The following ARHGAP42 variants were observed in gnomAD, a reference collection of about 807,000 sequenced individuals.
ARHGAP42 encodes Rho GTPase activating protein 42, also known as rho GTPase-activating protein 42.
In ARHGAP42, 63 loss-of-function variants were observed where a neutral mutation model predicts 125.0. That is an observed-to-expected ratio of 0.50 (90% CI 0.41 to 0.62). The LOEUF (loss-of-function observed/expected upper bound fraction) is 0.62. Ranked by LOEUF, ARHGAP42 falls within the 20% of genes least tolerant of loss-of-function variation. The pLI is 0.00. For missense variants in ARHGAP42, 766 were observed against 1,024.2 expected (o/e 0.75, Z 3.44); for synonymous variants, 339 against 351.0 (o/e 0.97, Z 0.38).
chr11:100,859,818 A>G (rs1334982646), intron 4 of ARHGAP42, 193 bp downstream of exon 4: 2 of 411,170 alleles, frequency 4.9e-6, no homozygotes, highest in East Asian at 3.8e-5. Flanking sequence ...TCTACTGAGT[A>G]GATAAGAAGC....
At chr11:100,770,729 C>A (rs1467198264) in intron 2 of ARHGAP42, among the ~76,000 whole-genome samples, 2 of 152,258 alleles carry the variant, frequency 1.3e-5, no homozygotes, top group East Asian at 3.9e-4. Context: ...AGGCATCTGC[C>A]ACCATGCCCA....
Position 100,744,697 on chromosome 11 carries a change from G to A in ARHGAP42, c.155-25646G>A, listed in dbSNP as rs966458091. Among the ~76,000 whole-genome samples, 5 of 152,236 alleles carry A rather than the reference G, an allele frequency of 3.3e-5. No individual in the cohort carries two copies. The East Asian group carries it at 9.6e-4, about 29-fold the overall frequency. On this transcript the variant is annotated intron_variant, in intron 1 of 23. Coordinates refer to ENST00000298815, the MANE Select transcript of ARHGAP42 (RefSeq NM_152432.4). ...GTGAAGACTCTGTATGAGTTTCTTG[G>A]TTATAGAGAGTCTTTGTATGATGGC...
At chr11:100,872,105 G>C (rs1339428399) in intron 4 of ARHGAP42, among the ~76,000 whole-genome samples, 1 of 152,076 alleles carries the variant, frequency 6.6e-6, no homozygotes, top group Non-Finnish European at 1.5e-5. Flanking sequence ...TCTATAGACG[G>C]CTCCTATTTT....
At chr11:100,886,399 A>T (rs1262689346) in intron 4 of ARHGAP42, among the ~76,000 whole-genome samples, 1 of 152,196 alleles carries the variant, frequency 6.6e-6, no homozygotes, top group East Asian at 1.9e-4. Context: ...TTCTTTATAG[A>T]GTTGGACTAA....
At chr11:100,792,955 C>G (rs1460568374) in intron 2 of ARHGAP42, among the ~76,000 whole-genome samples, 1 of 152,026 alleles carries the variant, frequency 6.6e-6, no homozygotes, top group East Asian at 1.9e-4. Flanking sequence ...GGGGTTTCAT[C>G]GTGTTAGCCA....
intron 2 of ARHGAP42, among the ~76,000 whole-genome samples, chr11:100,794,281 C>G (rs1371987213): frequency 1.3e-5 from 2 of 151,894 alleles, no homozygotes; most frequent in African/African-American, 4.8e-5. Context: ...CTATAACATC[C>G]CTTTAATTTA....
intron 2 of ARHGAP42, among the ~76,000 whole-genome samples, chr11:100,771,684 C>T (rs1246874686): frequency 3.3e-5 from 5 of 151,900 alleles, no homozygotes; most frequent in Non-Finnish European, 5.9e-5. Flanking sequence ...CTGCACCCTC[C>T]GCTTCCCATG....
intron 4 of ARHGAP42, among the ~76,000 whole-genome samples, chr11:100,901,804 C>T (rs1866559154): frequency 6.6e-6 from 1 of 152,210 alleles, no homozygotes; most frequent in Non-Finnish European, 1.5e-5. Context: ...TCCCGTTTTT[C>T]CAGGTACAGT....
chr11:100,853,100 G>C (rs1865243227), intron 3 of ARHGAP42, among the ~76,000 whole-genome samples: 1 of 152,018 alleles, frequency 6.6e-6, no homozygotes, highest in Non-Finnish European at 1.5e-5. Context: ...CTATAAAATT[G>C]CTTTCTTAAA....
chr11:100,723,026 T>A (rs1006701436), intron 1 of ARHGAP42, among the ~76,000 whole-genome samples: 1 of 152,232 alleles, frequency 6.6e-6, no homozygotes, highest in African/African-American at 2.4e-5. Context: ...GTGGATGTCG[T>A]GTTGTTCCAG....
chr11:100,848,882 T>C (rs1565240574), intron 3 of ARHGAP42, among the ~76,000 whole-genome samples: 1 of 152,220 alleles, frequency 6.6e-6, no homozygotes, highest in Non-Finnish European at 1.5e-5. Context: ...AGGTGGCACA[T>C]GGCATAGCCT....
At chr11:100,690,195 C>G (rs146449812) in intron 1 of ARHGAP42, among the ~76,000 whole-genome samples, 30 of 152,280 alleles carry the variant, frequency 2.0e-4, no homozygotes, top group Non-Finnish European at 4.1e-4. Context: ...TTCACCTTCC[C>G]TAACTTTATA....
chr11:100,976,933 C>G lies in ARHGAP42; in HGVS notation c.2355C>G (p.Asp785Glu). 6.4e-7 allele frequency: 1 copy of G among 1,551,490 alleles called. No individual in the cohort carries two copies. Among genetic ancestry groups the G allele is most frequent in the South Asian group, 1.2e-5 (1 of 84,060 alleles). ...PPKMCRRLRL[D>E]TASSNGYQRP... Reference sequence around the variant, plus strand: ...AAATGTGCAGGAGATTAAGACTAGACACTGCCTCAAGCAATGGCTATCAGC... The same window carrying G: ...AAATGTGCAGGAGATTAAGACTAGAGACTGCCTCAAGCAATGGCTATCAGC... The change falls in exon 21 of 24, where the codon GAC becomes GAG. Residue 785 changes from aspartate to glutamate, a missense_variant. By Grantham distance (45) the Asp-to-Glu change is conservative. Around this residue, in one of 3 missense-constraint regions of ARHGAP42, gnomAD observed 308 missense variants for 369.7 expected, o/e 0.83. Transcript: ENST00000298815.
At position 100,757,680 on chromosome 11, in the gene ARHGAP42, G is replaced by A. The variant is rs567485572; in HGVS notation, c.155-12663G>A. Among the ~76,000 whole-genome samples the A allele has an allele frequency of 1.1e-4, 17 of 152,288 alleles. No homozygotes were observed. In the East Asian group the frequency reaches 1.9e-3, roughly 17 times the overall value. On this transcript the variant is annotated intron_variant, in intron 1 of 23. Coordinates refer to ENST00000298815, the MANE Select transcript of ARHGAP42 (RefSeq NM_152432.4). ...CAAAATAGTTTCAAAAATTGCTTTA[G>A]TATGTCAAAATGGGGTAGGATAGCA... is the stretch of plus-strand genomic sequence containing the variant.
intron 3 of ARHGAP42, among the ~76,000 whole-genome samples, chr11:100,816,225 A>G (rs1864262195): frequency 6.6e-6 from 1 of 152,178 alleles, no homozygotes; most frequent in Non-Finnish European, 1.5e-5. Context: ...AGGGACTGCC[A>G]TCCTGTTTTC....
At chr11:100,743,467 C>T (rs551429781) in intron 1 of ARHGAP42, among the ~76,000 whole-genome samples, 4 of 152,128 alleles carry the variant, frequency 2.6e-5, no homozygotes, top group South Asian at 2.1e-4. Flanking sequence ...TATAGGTTAC[C>T]GGGTGCTTTT....
At chr11:100,988,299 G>A (rs970870743) in intron 23 of ARHGAP42, among the ~76,000 whole-genome samples, 2 of 149,956 alleles carry the variant, frequency 1.3e-5, no homozygotes, top group Non-Finnish European at 3.0e-5. Flanking sequence ...TTGTTTGGAC[G>A]TTTGAGTTGA....
At chr11:100,688,655 G>A (rs192883560) in intron 1 of ARHGAP42, among the ~76,000 whole-genome samples, 2 of 152,288 alleles carry the variant, frequency 1.3e-5, no homozygotes, top group Admixed American at 1.3e-4. Context: ...CTCTTACAGA[G>A]AATTGAGCAC....
At chr11:100,742,815 A>G (rs1436259897) in intron 1 of ARHGAP42, among the ~76,000 whole-genome samples, 1 of 152,178 alleles carries the variant, frequency 6.6e-6, no homozygotes, top group Non-Finnish European at 1.5e-5. Flanking sequence ...TTATCATTAT[A>G]TTATGACTAC....
Sources: gnomAD v4.1 joint callset for allele counts (sites outside exome capture counted in the v4.1 genomes callset) on GRCh38, gnomAD v4.1.1 for gene constraint, gnomAD v4.1.1 regional missense constraint, MANE v1.5 for transcripts, NCBI Gene and HGNC (gene_info 2026-07-23, HGNC 2026-07-21) for gene names.